The following RFC2 variants were observed in gnomAD, a reference collection of about 807,000 sequenced individuals.
The protein encoded by RFC2 is A1 40 kDa subunit.
In RFC2, 34 loss-of-function variants were observed where a neutral mutation model predicts 44.8. The observed-to-expected ratio is 0.76, with a 90% CI of 0.58 to 1.01. RFC2 has a LOEUF of 1.01. Ranked by LOEUF, RFC2 falls within the 50% of genes least tolerant of loss-of-function variation. RFC2 has a pLI of 0.00. For synonymous variants in RFC2, 177 were observed against 168.9 expected (o/e 1.05, Z -0.37); for missense variants, 400 against 453.6 (o/e 0.88, Z 1.07).
At chr7:74,253,662 A>G (rs1291804123) in intron 1 of RFC2, 1 of 153,952 alleles carries the variant, frequency 6.5e-6, no homozygotes, top group Non-Finnish European at 1.5e-5. Flanking sequence ...TGCAGGTTGT[A>G]GTGAGCAGAA....
At chr7:74,252,573 C>G in intron 1 of RFC2, 75 bp from the exon 2 acceptor site, 1 of 857,270 alleles carries the variant, frequency 1.2e-6, no homozygotes, top group African/African-American at 1.7e-5. Context: ...AAGGGTTATC[C>G]TGAGAGCTTT....
intron 9 of RFC2, among the ~76,000 whole-genome samples, chr7:74,236,924 A>T (rs1335984717): frequency 6.6e-6 from 1 of 152,066 alleles, no homozygotes; most frequent in Non-Finnish European, 1.5e-5. Context: ...GCGCCAGTGC[A>T]TTCCGGCCTG....
At chr7:74,246,993 T>A (rs7802234) in intron 4 of RFC2, among the ~76,000 whole-genome samples, 6,526 of 143,226 alleles carry the variant, frequency 0.046, 484 homozygotes, top group African/African-American at 0.17. Context: ...TTTTTTTTCT[T>A]CAGACAGGGT....
chr7:74,241,132 T>A (rs1164416364), intron 6 of RFC2, among the ~76,000 whole-genome samples: 1 of 152,116 alleles, frequency 6.6e-6, no homozygotes, highest in Non-Finnish European at 1.5e-5. Context: ...GGTTTCACCA[T>A]GTTGGCCAGG....
At chr7:74,240,174 C>A (rs1191022283) in intron 6 of RFC2, 79 bp from the exon 7 acceptor site, 1 of 1,351,492 alleles carries the variant, frequency 7.4e-7, no homozygotes, top group Admixed American at 1.9e-5. Context: ...CATAAGGCTG[C>A]AGCTGCACAA....
chr7:74,233,987 A>G, intron 10 of RFC2: 1 of 447,004 alleles, frequency 2.2e-6, no homozygotes, highest in Admixed American at 2.4e-5. Flanking sequence ...ATTTGCATTC[A>G]CACTAATCCA....
chr7:74,244,408 A>G (rs1187421897), intron 5 of RFC2, among the ~76,000 whole-genome samples: 1 of 151,540 alleles, frequency 6.6e-6, no homozygotes, highest in Non-Finnish European at 1.5e-5. Flanking sequence ...GCTGGTGTGC[A>G]CTGGCACCAT....
chr7:74,248,329 A>AT (rs1364653927), intron 4 of RFC2, among the ~76,000 whole-genome samples: 1 of 151,890 alleles, frequency 6.6e-6, no homozygotes. Flanking sequence ...ACATAGTGAG[A>AT]TCCCGTCTCC....
intron 3 of RFC2, among the ~76,000 whole-genome samples, chr7:74,249,485 G>T (rs1167896544): frequency 6.6e-6 from 1 of 152,038 alleles, no homozygotes; most frequent in Admixed American, 6.6e-5. Context: ...AGGTTGCGGT[G>T]AGCAGAGATT....
At chr7:74,252,177 G>T (rs1554721226) in intron 2 of RFC2, among the ~76,000 whole-genome samples, 1 of 150,560 alleles carries the variant, frequency 6.6e-6, no homozygotes, top group Non-Finnish European at 1.5e-5. Flanking sequence ...GGAGGCCGAG[G>T]CGGGAGGATC....
intron 10 of RFC2, among the ~76,000 whole-genome samples, chr7:74,234,684 G>T (rs1554717912): frequency 6.6e-6 from 1 of 151,980 alleles, no homozygotes. Flanking sequence ...GGTAGTGAGT[G>T]AGTTCTGGAT....
intron 10 of RFC2, chr7:74,233,657 G>A: frequency 9.5e-6 from 3 of 314,222 alleles, no homozygotes; most frequent in Non-Finnish European, 1.9e-5. Flanking sequence ...CTGTAGTGCA[G>A]GGGTGTGATC....
In RFC2 at chr7:74,254,294, G is replaced by C. The variant is rs1157276554; in HGVS notation, c.90C>G (p.Ser30Arg). 6.2e-7 allele frequency: 1 copy of C among 1,612,332 alleles called. No individual in the cohort carries two copies. The highest frequency in any genetic ancestry group is 1.7e-5 in the Admixed American group (1 of 59,928). The change falls in exon 1 of 11, where the codon AGC becomes AGG. Residue 30 changes from serine to arginine, a missense_variant. Physicochemically the swap from Ser to Arg is moderately radical, Grantham distance 110. Transcript: ENST00000055077. The part of the protein sequence containing the change: ...PAPAFSKAPG[S>R]AGHYELPWVE... The stretch of plus-strand genomic sequence containing the variant: ...ACCACGGCAGTTCGTAGTGGCCGGC[G>C]CTGCCGGGGGCCTTGCTGAAGGCAG...
At chr7:74,233,883 G>A (rs1207205518) in intron 10 of RFC2, 10 of 456,532 alleles carry the variant, frequency 2.2e-5, no homozygotes, top group African/African-American at 1.4e-4. Flanking sequence ...TCGGAAAACC[G>A]TTTGGCAGTT....
chr7:74,232,729 G>C (rs1554717419), intron 10 of RFC2, among the ~76,000 whole-genome samples: 2 of 152,192 alleles, frequency 1.3e-5, no homozygotes, highest in Non-Finnish European at 2.9e-5. Flanking sequence ...GCCAGGTATG[G>C]TGGCGCACGC....
intron 2 of RFC2, 177 bp from the exon 3 acceptor site, chr7:74,249,957 G>A (rs1584265254): frequency 3.1e-6 from 2 of 646,028 alleles, no homozygotes; most frequent in South Asian, 3.2e-5. Flanking sequence ...CCTGAGGCCA[G>A]CCTGGGCAAC....
chr7:74,248,881 C>A, intron 4 of RFC2, 131 bp downstream of exon 4: 6 of 668,218 alleles, frequency 9.0e-6, no homozygotes. Flanking sequence ...CGCTCTTTCA[C>A]TGGGAAGGGG....
At chr7:74,236,746 G>T (rs1486007170) in intron 9 of RFC2, among the ~76,000 whole-genome samples, 1 of 152,128 alleles carries the variant, frequency 6.6e-6, no homozygotes, top group Non-Finnish European at 1.5e-5. Context: ...TCCTGCAGAG[G>T]ATATAATTAC....
intron 6 of RFC2, among the ~76,000 whole-genome samples, chr7:74,240,640 C>A (rs1381849466): frequency 6.6e-6 from 1 of 152,040 alleles, no homozygotes; most frequent in East Asian, 1.9e-4. Flanking sequence ...GGCTTCCAGA[C>A]GGGGAAATGA....
Sources: allele counts gnomAD v4.1 joint callset (sites outside exome capture counted in the v4.1 genomes callset), GRCh38; gene constraint gnomAD v4.1.1; transcripts MANE v1.5; gene names NCBI Gene and HGNC (gene_info 2026-07-23, HGNC 2026-07-21).